Variants in PLA1A observed in about 807,000 individuals in gnomAD.
PLA1A encodes the protein phosphatidylserine-specific phospholipase A1alpha.
Under a neutral mutation model 49.4 loss-of-function variants are expected in PLA1A, and 47 were observed. The observed-to-expected ratio is 0.95, with a 90% CI of 0.75 to 1.21. PLA1A has a LOEUF of 1.21. PLA1A is among the 50% of genes most tolerant of loss of function. PLA1A has a pLI of 0.00. For synonymous variants in PLA1A, 224 were observed against 207.9 expected (o/e 1.08, Z -0.67); for missense variants, 561 against 563.9 (o/e 0.99, Z 0.05).
chr3:119,619,743 T>A (rs1408103198), intron 8 of PLA1A, 91 bp downstream of exon 8: 1 of 903,964 alleles, frequency 1.1e-6, no homozygotes, highest in African/African-American at 1.6e-5. Context: ...GAGTGAATGA[T>A]AAGAGCAAAG....
At chr3:119,602,303 T>C (rs2082627419) in intron 1 of PLA1A, among the ~76,000 whole-genome samples, 1 of 152,196 alleles carries the variant, frequency 6.6e-6, no homozygotes, top group Non-Finnish European at 1.5e-5. Context: ...GTTTTGAAAC[T>C]AGTGTTTCAA....
At chr3:119,608,709 C>T in intron 2 of PLA1A, 61 bp from the exon 3 acceptor site, 1 of 1,288,622 alleles carries the variant, frequency 7.8e-7, no homozygotes. Context: ...TAGAGGTTTC[C>T]ATGACAATGA....
intron 8 of PLA1A, chr3:119,620,250 A>G (rs537023495): frequency 2.3e-6 from 1 of 430,810 alleles, no homozygotes; most frequent in East Asian, 7.1e-5. Flanking sequence ...TAGGGTGACT[A>G]TACTTCCTGG....
chr3:119,622,282 T>C (rs991658813), intron 8 of PLA1A, among the ~76,000 whole-genome samples: 3 of 152,210 alleles, frequency 2.0e-5, no homozygotes, highest in African/African-American at 4.8e-5. Context: ...AATAATATAA[T>C]ATAGCAAACT....
chr3:119,604,051 T>C (rs2082651678), intron 1 of PLA1A, among the ~76,000 whole-genome samples: 1 of 152,246 alleles, frequency 6.6e-6, no homozygotes, highest in African/African-American at 2.4e-5. Context: ...ATGTGCTGGT[T>C]TTATTGTCGT....
intron 2 of PLA1A, among the ~76,000 whole-genome samples, chr3:119,607,341 A>G (rs536624): frequency 0.26 from 39,410 of 152,042 alleles, 6,013 homozygotes; most frequent in East Asian, 0.47. Flanking sequence ...CTTCCGTCAT[A>G]CCCAGAGGTT....
intron 5 of PLA1A, among the ~76,000 whole-genome samples, chr3:119,614,523 C>T (rs550066112): frequency 1.8e-3 from 278 of 150,450 alleles, no homozygotes; most frequent in African/African-American, 6.6e-3. Context: ...GGAGAATGCC[C>T]TGAACCCAGG....
rs143340670 is a variant in PLA1A at position 119,628,921 on chromosome 3, T to C, written c.1286+56T>C. The C allele has an allele frequency of 2.8e-6, 4 of 1,410,106 alleles. No homozygotes were observed. The African/African-American group carries it at 4.2e-5, about 15-fold the overall frequency. The allele number at this position is 1,410,106 out of a possible 1,614,324, so 87.3% of individuals were successfully genotyped here. A position where few individuals can be genotyped will look rare whatever the true frequency, so the allele number is the denominator to read the frequency against. ...TGCACTCACACATCAAAGACCAGTC[T>C]TGGCATTAGATGTGCTGCCTATTGA... On this transcript the variant is annotated intron_variant, in intron 10 of 10. Coordinates refer to ENST00000273371, the MANE Select transcript of PLA1A (RefSeq NM_015900.4).
chr3:119,607,110 G>A, intron 2 of PLA1A, 135 bp downstream of exon 2: 1 of 700,254 alleles, frequency 1.4e-6, no homozygotes, highest in South Asian at 1.7e-5. Context: ...ATATCCTGCT[G>A]TCTTTGATGG....
At chr3:119,607,149 T>C in intron 2 of PLA1A, 174 bp downstream of exon 2, 1 of 615,058 alleles carries the variant, frequency 1.6e-6, no homozygotes, top group Non-Finnish European at 2.9e-6. Flanking sequence ...ACACATGGTG[T>C]TCATTCTTAT....
At chr3:119,612,865 T>A (rs2082787989) in intron 4 of PLA1A, 152 bp from the exon 5 acceptor site, 1 of 532,130 alleles carries the variant, frequency 1.9e-6, no homozygotes, top group South Asian at 2.5e-5. Flanking sequence ...TGGGGTTTCC[T>A]GAGGAAGGTG....
chr3:119,598,150 G>A (rs1391190046), intron 1 of PLA1A, among the ~76,000 whole-genome samples, 164 bp downstream of exon 1: 1 of 152,024 alleles, frequency 6.6e-6, no homozygotes, highest in Non-Finnish European at 1.5e-5. Context: ...TATCATAATC[G>A]GAATGATGGT....
chr3:119,620,114 A>G (rs1167518088), intron 8 of PLA1A: 1 of 457,038 alleles, frequency 2.2e-6, no homozygotes, highest in Non-Finnish European at 4.4e-6. Flanking sequence ...TAACCATGGC[A>G]TTTCCTTGAA....
intron 1 of PLA1A, chr3:119,600,367 C>CTCCTCCAGGTGGATGCACAAGTCT (rs2082601805): frequency 1.0e-5 from 7 of 702,826 alleles, no homozygotes. Flanking sequence ...CAGGCGTCCT[C>CTCCTCCAGGTGGATGCACAAGTCT]TCCTCCAGGT....
At chr3:119,610,574 T>A (rs1428386073) in intron 4 of PLA1A, among the ~76,000 whole-genome samples, 1 of 152,196 alleles carries the variant, frequency 6.6e-6, no homozygotes, top group African/African-American at 2.4e-5. Context: ...ATGTTGAGCA[T>A]TTTTTCAAAT....
rs1438418461 is a variant in PLA1A at position 119,620,595 on chromosome 3, T to C, written c.1012+943T>C. Among the ~76,000 whole-genome samples, 5 of 152,306 alleles carry C rather than the reference T, an allele frequency of 3.3e-5. No homozygotes were observed. In the East Asian group the frequency reaches 9.6e-4, roughly 29 times the overall value. On this transcript the variant is annotated intron_variant, in intron 8 of 10. Coordinates refer to ENST00000273371, the MANE Select transcript of PLA1A (RefSeq NM_015900.4). ...AAATGGGAACCATAACAGTACCTAC[T>C]TTAAAGAACCAATTGTGAGTATAAA...
At chr3:119,599,217 T>A (rs1205221299) in intron 1 of PLA1A, among the ~76,000 whole-genome samples, 1 of 152,180 alleles carries the variant, frequency 6.6e-6, no homozygotes, top group East Asian at 1.9e-4. Flanking sequence ...CCTTACCAGA[T>A]AGGAATGCTG....
rs1477812362 is a variant in PLA1A, at chr3:119,622,145, AGGAG to A, written c.1012+2495_1012+2498del. ...GGAGAAGAAGAGGAAGAGGAGGAGG[AGGAG>A]GAAGAAGAAGAAGAAGAAGAAGAAG... On this transcript the variant is annotated intron_variant, in intron 8 of 10. Transcript: ENST00000273371. Among the ~76,000 whole-genome samples the A allele has an allele frequency of 1.4e-4, 19 of 132,858 alleles. No individual in the cohort carries two copies. In the East Asian group the frequency reaches 1.5e-3, roughly 10 times the overall value. The allele number at this position is 132,858 out of a possible 152,430, so 87.2% of individuals were successfully genotyped here.
At chr3:119,619,737 G>C in intron 8 of PLA1A, 85 bp downstream of exon 8, 1 of 932,192 alleles carries the variant, frequency 1.1e-6, no homozygotes, top group Non-Finnish European at 1.8e-6. Flanking sequence ...GGGTGGGAGT[G>C]AATGATAAGA....
Sources: gnomAD v4.1 joint callset for allele counts (sites outside exome capture counted in the v4.1 genomes callset) on GRCh38, gnomAD v4.1.1 for gene constraint, MANE v1.5 for transcripts, NCBI Gene and HGNC (gene_info 2026-07-23, HGNC 2026-07-21) for gene names.